The following ARHGAP21 variants were observed in gnomAD, a reference collection of about 807,000 sequenced individuals.
The protein encoded by ARHGAP21 is Rho GTPase activating protein 21, also known as rho GTPase-activating protein 21.
ARHGAP21 carries 38 observed loss-of-function variants against 164.6 expected under a neutral mutation model. The ratio of observed to expected loss-of-function variants is 0.23; its 90% CI spans 0.18 to 0.30. The LOEUF (loss-of-function observed/expected upper bound fraction) is 0.30, where lower values mean the gene tolerates loss of function less well. Ranked by LOEUF, ARHGAP21 falls within the 10% of genes least tolerant of loss-of-function variation. The pLI, the probability that ARHGAP21 is intolerant of heterozygous loss-of-function variation, is 1.00. For missense variants in ARHGAP21, 1,822 were observed against 2,370.7 expected (o/e 0.77, Z 4.81); for synonymous variants, 766 against 857.9 (o/e 0.89, Z 1.87).
chr10:24,609,245 T>C (rs1281921334), intron 9 of ARHGAP21, among the ~76,000 whole-genome samples: 3 of 152,236 alleles, frequency 2.0e-5, no homozygotes, highest in Non-Finnish European at 4.4e-5. Flanking sequence ...AAATTGTGCA[T>C]GGATTAAGCA....
chr10:24,668,073 G>A (rs1189626078), intron 3 of ARHGAP21, among the ~76,000 whole-genome samples: 3 of 152,098 alleles, frequency 2.0e-5, no homozygotes, highest in South Asian at 2.1e-4. Context: ...TACAAGTATT[G>A]TATCATTTAA....
At chr10:24,621,492 G>T in intron 8 of ARHGAP21, 123 bp from the exon 9 acceptor site, 2 of 823,450 alleles carry the variant, frequency 2.4e-6, no homozygotes, top group Non-Finnish European at 1.9e-6. Context: ...ACTATAGCAT[G>T]CATGCAAACA....
rs140533961 is a variant in ARHGAP21, at chr10:24,669,389, A to G, written c.243+829T>C. Among the ~76,000 whole-genome samples, 144 of 152,336 alleles carry G rather than the reference A, an allele frequency of 9.5e-4. 3 individuals are homozygous for G. In the East Asian group the frequency reaches 0.026, roughly 28 times the overall value. Reference sequence around the variant, plus strand: ...GTAATACTCTAGTTCAATTCCTACAAATGAAAATGGAAATCTAGAGGTCAA... The same window carrying G: ...GTAATACTCTAGTTCAATTCCTACAGATGAAAATGGAAATCTAGAGGTCAA... On this transcript the variant is annotated intron_variant, in intron 3 of 25. Coordinates refer to ENST00000396432, the MANE Select transcript of ARHGAP21 (RefSeq NM_020824.4).
In ARHGAP21 at chr10:24,661,214, T is replaced by A. The variant is rs1349325874; in HGVS notation, c.268+5771A>T. Among the ~76,000 whole-genome samples, 3 of 151,012 alleles carry A rather than the reference T, an allele frequency of 2.0e-5. No homozygotes were observed. The East Asian group carries it at 5.8e-4, about 29-fold the overall frequency. ...AAGGGAATACAGGATGTCAGCAAGG[T>A]ATTAATTATCTACAAGCAACTATTA... On this transcript the variant is annotated intron_variant, in intron 4 of 25. Coordinates refer to ENST00000396432, the MANE Select transcript of ARHGAP21 (RefSeq NM_020824.4).
At chr10:24,656,282 C>T (rs1825520455) in intron 4 of ARHGAP21, among the ~76,000 whole-genome samples, 2 of 116,666 alleles carry the variant, frequency 1.7e-5, no homozygotes, top group Non-Finnish European at 3.6e-5. Context: ...CCCGGCCGCC[C>T]CTACTGGGAA....
chr10:24,589,139 T>C, intron 25 of ARHGAP21, 132 bp downstream of exon 25: 2 of 812,946 alleles, frequency 2.5e-6, no homozygotes, highest in Non-Finnish European at 2.0e-6. Context: ...GTTTTAGGAA[T>C]TAATTTTTTG....
At chr10:24,608,941 A>G (rs1251264637) in intron 9 of ARHGAP21, among the ~76,000 whole-genome samples, 2 of 152,204 alleles carry the variant, frequency 1.3e-5, no homozygotes, top group East Asian at 1.9e-4. Context: ...TTCAATGAGG[A>G]TAACAATTTA....
intron 7 of ARHGAP21, among the ~76,000 whole-genome samples, chr10:24,623,291 T>C (rs1286144916): frequency 6.6e-6 from 1 of 152,218 alleles, no homozygotes; most frequent in South Asian, 2.1e-4. Context: ...TTAAGTAAGT[T>C]TCACTCAAAA....
At chr10:24,637,717 T>C (rs1836522583) in intron 4 of ARHGAP21, among the ~76,000 whole-genome samples, 1 of 152,210 alleles carries the variant, frequency 6.6e-6, no homozygotes, top group African/African-American at 2.4e-5. Context: ...ATGACTACCA[T>C]TGTAAAGTCA....
chr10:24,694,822 C>G (rs1209174222), intron 2 of ARHGAP21, among the ~76,000 whole-genome samples: 1 of 152,058 alleles, frequency 6.6e-6, no homozygotes, highest in Non-Finnish European at 1.5e-5. Context: ...GAGGCTGAGG[C>G]AGACAGATCA....
At position 24,604,299 on chromosome 10, in the gene ARHGAP21, C is replaced by G; in HGVS notation, c.2721+13G>C. ...AGATAAACTAAGGTAAGTAGAAACA[C>G]TCTAATACCAACCTTGATTCCCTTC... On this transcript the variant is annotated intron_variant, in intron 12 of 25. Coordinates refer to ENST00000396432, the MANE Select transcript of ARHGAP21 (RefSeq NM_020824.4). The G allele has an allele frequency of 6.3e-7, 1 of 1,577,298 alleles. No homozygotes were observed. The highest frequency in any genetic ancestry group is 8.6e-7 in the Non-Finnish European group (1 of 1,160,428).
At chr10:24,622,282 G>A (rs914775582) in intron 8 of ARHGAP21, among the ~76,000 whole-genome samples, 1 of 151,456 alleles carries the variant, frequency 6.6e-6, no homozygotes, top group Non-Finnish European at 1.5e-5. Context: ...AGACAGATGT[G>A]GTAACACATC....
intron 7 of ARHGAP21, among the ~76,000 whole-genome samples, chr10:24,628,603 T>C (rs60885497): frequency 0.046 from 6,984 of 152,050 alleles, 490 homozygotes; most frequent in African/African-American, 0.15. Flanking sequence ...CCCAATTGTT[T>C]ACCAAAAAGA....
At chr10:24,638,161 G>A (rs1386062623) in intron 4 of ARHGAP21, among the ~76,000 whole-genome samples, 4 of 151,878 alleles carry the variant, frequency 2.6e-5, no homozygotes, top group South Asian at 2.1e-4. Flanking sequence ...CACCGAGCCC[G>A]GCCTCTTGCT....
intron 15 of ARHGAP21, 33 bp from the exon 16 acceptor site, chr10:24,597,616 C>G (rs370022339): frequency 5.0e-6 from 8 of 1,611,388 alleles, no homozygotes; most frequent in Non-Finnish European, 6.8e-6. Context: ...TTAACAATTA[C>G]AGTAATCCCC....
chr10:24,721,729 C>A lies in ARHGAP21; in HGVS notation c.63+108G>T, dbSNP rs187776878. On this transcript the variant is annotated intron_variant, in intron 2 of 25. Transcript: ENST00000396432. ...GGCGCTCCCGCCAACAGGCTCAAAGCCCCGGGAAGCCCCTAGTGAGGCCCC... is the reference window on the plus strand; with the variant it reads ...GGCGCTCCCGCCAACAGGCTCAAAGACCCGGGAAGCCCCTAGTGAGGCCCC... 379 of 1,304,750 alleles carry A rather than the reference C, an allele frequency of 2.9e-4. 4 individuals are homozygous for A. The East Asian group carries it at 9.3e-3, about 32-fold the overall frequency. 80.8% of individuals were successfully genotyped at this position (1,304,750 alleles called of 1,614,324 possible). A position where few individuals can be genotyped will look rare whatever the true frequency, so the allele number is the denominator to read the frequency against.
chr10:24,684,394 A>T (rs934009311), intron 2 of ARHGAP21, among the ~76,000 whole-genome samples: 2 of 152,216 alleles, frequency 1.3e-5, no homozygotes, highest in African/African-American at 4.8e-5. Context: ...CCCAAAATTT[A>T]ACTGACAACT....
chr10:24,721,294 T>C (rs1344044902), intron 2 of ARHGAP21, among the ~76,000 whole-genome samples: 1 of 152,244 alleles, frequency 6.6e-6, no homozygotes, highest in Non-Finnish European at 1.5e-5. Flanking sequence ...TTTCCAAGGC[T>C]GTGCTTAAAC....
intron 2 of ARHGAP21, among the ~76,000 whole-genome samples, chr10:24,675,249 A>C (rs923314749): frequency 2.0e-5 from 3 of 152,248 alleles, no homozygotes; most frequent in African/African-American, 7.2e-5. Flanking sequence ...AAAATGAAAT[A>C]AACTATTGAT....
Sources: gnomAD v4.1 joint callset for allele counts (sites outside exome capture counted in the v4.1 genomes callset) on GRCh38, gnomAD v4.1.1 for gene constraint, MANE v1.5 for transcripts, NCBI Gene and HGNC (gene_info 2026-07-23, HGNC 2026-07-21) for gene names.